The following MED19 variants were observed in gnomAD, a reference collection of about 807,000 sequenced individuals.
MED19 encodes mediator complex subunit 19.
In MED19, 4 loss-of-function variants were observed where a neutral mutation model predicts 19.9. That is an observed-to-expected ratio of 0.20 (90% CI 0.10 to 0.46). MED19 has a LOEUF of 0.46. Ranked by LOEUF, MED19 falls within the 20% of genes least tolerant of loss-of-function variation. The probability of loss-of-function intolerance (pLI) is 0.99; values close to 1 mark genes in which losing one functional copy is unlikely to be tolerated. For missense variants in MED19, 303 were observed against 318.7 expected (o/e 0.95, Z 0.38); for synonymous variants, 139 against 119.6 (o/e 1.16, Z -1.06).
At position 57,704,879 on chromosome 11, in the gene MED19, C is replaced by G. The variant is rs1484834204; in HGVS notation, c.475-64G>C. 3.7e-6 allele frequency: 6 copies of G among 1,606,984 alleles called. No homozygotes were observed. In the Middle Eastern group the frequency reaches 5.7e-4, roughly 152 times the overall value. Reference sequence around the variant, plus strand: ...GGAAATCTCTCCTGCTCTTATCATCCATTCTGCTCCATTATGAAGGAACAG... The same window carrying G: ...GGAAATCTCTCCTGCTCTTATCATCGATTCTGCTCCATTATGAAGGAACAG... On this transcript the variant is annotated intron_variant, in intron 2 of 4. Transcript: ENST00000431606.
exon 5 of MED19, chr11:57,703,818 A>G: frequency 1.3e-5 from 7 of 522,822 alleles, no homozygotes; most frequent in South Asian, 4.7e-5. Flanking sequence ...TTCCTGGGAG[A>G]GGAAGAGATG....
intron 1 of MED19, among the ~76,000 whole-genome samples, chr11:57,711,562 C>G (rs1025902448): frequency 2.0e-5 from 3 of 152,060 alleles, no homozygotes; most frequent in African/African-American, 7.2e-5. Context: ...TCATGTTGGC[C>G]AGGCCGGTCT....
chr11:57,704,661 A>C (rs766147376), intron 3 of MED19, 58 bp downstream of exon 3: 1 of 1,530,292 alleles, frequency 6.5e-7, no homozygotes, highest in East Asian at 2.2e-5. Flanking sequence ...CCAGATTCAG[A>C]AGGTCAGGTT....
intron 1 of MED19, 43 bp downstream of exon 1, chr11:57,711,916 CCTCT>C: frequency 7.2e-7 from 1 of 1,395,990 alleles, no homozygotes; most frequent in South Asian, 1.6e-5. Context: ...CCCATCACCT[CCTCT>C]CTAAGATTTG....
chr11:57,709,983 C>G (rs745494245), intron 1 of MED19, among the ~76,000 whole-genome samples: 1 of 152,228 alleles, frequency 6.6e-6, no homozygotes, highest in Non-Finnish European at 1.5e-5. Context: ...GCAGTAACTT[C>G]TGACTAATTT....
At chr11:57,712,191 C>T (rs989818431) in exon 1 of MED19, 4 of 1,511,008 alleles carry the variant, frequency 2.6e-6, no homozygotes, top group Non-Finnish European at 3.5e-6. Flanking sequence ...GTACCCTCCG[C>T]CCCGGCGCTG....
At chr11:57,709,869 A>G (rs11229100) in intron 1 of MED19, among the ~76,000 whole-genome samples, 4,219 of 152,170 alleles carry the variant, frequency 0.028, 211 homozygotes, top group African/African-American at 0.097. Context: ...CCCTGTATTC[A>G]ATTTTTCAAC....
chr11:57,707,272 T>TA (rs1165313158), intron 1 of MED19, among the ~76,000 whole-genome samples: 3 of 152,182 alleles, frequency 2.0e-5, no homozygotes, highest in African/African-American at 7.2e-5. Context: ...GATTCTTTTT[T>TA]AAAAAATATA....
At chr11:57,708,848 A>G (rs1422584163) in intron 1 of MED19, among the ~76,000 whole-genome samples, 3 of 152,244 alleles carry the variant, frequency 2.0e-5, no homozygotes, top group Non-Finnish European at 4.4e-5. Flanking sequence ...AAAGATTAAA[A>G]GAAACCGCTG....
At chr11:57,706,736 AAAAACAAAAC>A (rs199977971) in intron 1 of MED19, among the ~76,000 whole-genome samples, 1 of 152,078 alleles carries the variant, frequency 6.6e-6, no homozygotes, top group African/African-American at 2.4e-5. Context: ...CTGTCTCAAA[AAAAACAAAAC>A]AAAACAAAAC....
At chr11:57,710,971 C>T (rs1040854746) in intron 1 of MED19, among the ~76,000 whole-genome samples, 7 of 152,286 alleles carry the variant, frequency 4.6e-5, no homozygotes, top group African/African-American at 9.6e-5. Flanking sequence ...GGATTACAGG[C>T]GTGAGCAACG....
At chr11:57,704,194 G>A in intron 4 of MED19, 88 bp from the exon 5 acceptor site, 1 of 1,527,550 alleles carries the variant, frequency 6.5e-7, no homozygotes. Flanking sequence ...AACCTGCCTT[G>A]GGTTTTCAAT....
chr11:57,704,086 G>A (rs1424050575), exon 5 of MED19: 3 of 1,536,178 alleles, frequency 2.0e-6, no homozygotes, highest in Non-Finnish European at 2.6e-6. Context: ...CCATACCTGG[G>A]TGGTCTGGAC....
chr11:57,710,645 A>C (rs1191778646), intron 1 of MED19, among the ~76,000 whole-genome samples: 1 of 152,114 alleles, frequency 6.6e-6, no homozygotes, highest in Non-Finnish European at 1.5e-5. Context: ...TTCAAATGTT[A>C]GCTATGTGAA....
chr11:57,711,008 T>C (rs565281704), intron 1 of MED19, among the ~76,000 whole-genome samples: 2 of 152,236 alleles, frequency 1.3e-5, no homozygotes, highest in East Asian at 3.9e-4. Flanking sequence ...ATTTTTATCA[T>C]GTTTTCTTTT....
chr11:57,710,780 C>G (rs1946568171), intron 1 of MED19, among the ~76,000 whole-genome samples: 1 of 152,086 alleles, frequency 6.6e-6, no homozygotes, highest in Admixed American at 6.5e-5. Context: ...ACTGCAGCCT[C>G]GACCTCCTGT....
intron 1 of MED19, among the ~76,000 whole-genome samples, chr11:57,709,665 T>C (rs779391003): frequency 3.3e-5 from 5 of 152,166 alleles, no homozygotes; most frequent in Non-Finnish European, 7.3e-5. Flanking sequence ...TCAAGTGATT[T>C]CTACCACCTC....
chr11:57,706,525 CT>C, intron 1 of MED19, among the ~76,000 whole-genome samples: 1 of 152,178 alleles, frequency 6.6e-6, no homozygotes, highest in Non-Finnish European at 1.5e-5. Context: ...AATCCCAGCA[CT>C]TCAGGAGGCC....
intron 2 of MED19, 50 bp from the exon 3 acceptor site, chr11:57,704,865 C>T (rs1253381361): frequency 2.5e-6 from 4 of 1,609,684 alleles, no homozygotes; most frequent in Non-Finnish European, 3.4e-6. Context: ...GAAATCTCTC[C>T]TGCTCTTATC....
Sources: gnomAD v4.1 joint callset for allele counts (sites outside exome capture counted in the v4.1 genomes callset) on GRCh38, gnomAD v4.1.1 for gene constraint, MANE v1.5 for transcripts, NCBI Gene and HGNC (gene_info 2026-07-23, HGNC 2026-07-21) for gene names.